The following CD163L1 variants were observed in gnomAD, a reference collection of about 807,000 sequenced individuals.
CD163L1 encodes scavenger receptor cysteine-rich type 1 protein M160.
CD163L1 carries 124 observed loss-of-function variants against 165.4 expected under a neutral mutation model. That is an observed-to-expected ratio of 0.75 (90% CI 0.65 to 0.87). The LOEUF (loss-of-function observed/expected upper bound fraction) is 0.87, where lower values mean the gene tolerates loss of function less well. Among genes scored for constraint, CD163L1 ranks in the 40% least tolerant of loss-of-function variants. The probability of loss-of-function intolerance (pLI) is 0.00; values close to 1 mark genes in which losing one functional copy is unlikely to be tolerated. For synonymous variants in CD163L1, 585 were observed against 662.2 expected (o/e 0.88, Z 1.79); for missense variants, 1,525 against 1,799.9 (o/e 0.85, Z 2.76).
intron 18 of CD163L1, among the ~76,000 whole-genome samples, chr12:7,366,856 G>C (rs1947031600): frequency 6.6e-6 from 1 of 152,006 alleles, no homozygotes; most frequent in Admixed American, 6.5e-5. Context: ...TAAGATTCAA[G>C]GAACTTAGCC....
Position 7,375,300 on chromosome 12 carries a change from A to T in CD163L1, c.2982T>A (p.Thr994=). The T allele has an allele frequency of 6.2e-7, 1 of 1,614,114 alleles. No individual in the cohort carries two copies. The highest frequency in any genetic ancestry group is 8.5e-7 in the Non-Finnish European group (1 of 1,179,994). The stretch of plus-strand genomic sequence containing the variant: ...TCTTACCTGTGCAGATCACAGAGAC[A>T]GTATTTCCATGGATACAGGGAGGTG... The part of the protein sequence containing the change: ...LGAPPCIHGN[T]VSVICTGSLT... Residue 994 remains threonine, a synonymous_variant, in exon 11 of 20, where the codon ACT becomes ACA. Coordinates refer to ENST00000313599, the MANE Select transcript of CD163L1 (RefSeq NM_174941.6).
chr12:7,411,258 A>AT (rs1347758494), intron 4 of CD163L1, among the ~76,000 whole-genome samples: 1 of 152,114 alleles, frequency 6.6e-6, no homozygotes, highest in Non-Finnish European at 1.5e-5. Flanking sequence ...TTGAACATAG[A>AT]TTTTCTTTTT....
At chr12:7,415,772 T>C (rs1464746965) in intron 4 of CD163L1, among the ~76,000 whole-genome samples, 6 of 152,198 alleles carry the variant, frequency 3.9e-5, no homozygotes, top group African/African-American at 1.4e-4. Context: ...GTTTTTTGGC[T>C]ACATAGTATT....
At chr12:7,409,559 G>T (rs1224043520) in intron 4 of CD163L1, among the ~76,000 whole-genome samples, 4 of 152,162 alleles carry the variant, frequency 2.6e-5, no homozygotes, top group Admixed American at 1.3e-4. Flanking sequence ...TGCCAGCCCT[G>T]ATCTGAGAGG....
rs1947086495 is a variant in CD163L1, at chr12:7,368,996, A to C, written c.4040-31T>G. Reference sequence around the variant, plus strand: ...AGAGAGAGAGAGAGAGAGAGACGTAAATGAACGAAAAGGAACTGGGTATTT... The same window carrying C: ...AGAGAGAGAGAGAGAGAGAGACGTACATGAACGAAAAGGAACTGGGTATTT... On this transcript the variant is annotated intron_variant, in intron 15 of 19. Transcript: ENST00000313599. This position sits in a 1 kb window ranked among gnomAD's most constrained non-coding sequence, Gnocchi z 4.3. 6.3e-7 allele frequency: 1 copy of C among 1,590,744 alleles called. No homozygotes were observed. Among genetic ancestry groups the C allele is most frequent in the South Asian group, 1.1e-5 (1 of 90,698 alleles).
In CD163L1 at chr12:7,395,129, A is replaced by G. The variant is rs759122488; in HGVS notation, c.2050+966T>C. Reference sequence around the variant, plus strand: ...AAAGGATTATAAATCATGCTGCTATAAAGATACATGTACACATATGTTTAT... The same window carrying G: ...AAAGGATTATAAATCATGCTGCTATGAAGATACATGTACACATATGTTTAT... On this transcript the variant is annotated intron_variant, in intron 8 of 19. Coordinates refer to ENST00000313599, the MANE Select transcript of CD163L1 (RefSeq NM_174941.6). Among the ~76,000 whole-genome samples, 8 of 152,374 alleles carry G rather than the reference A, an allele frequency of 5.3e-5. No individual in the cohort carries two copies. In the East Asian group the frequency reaches 1.5e-3, roughly 29 times the overall value.
intron 4 of CD163L1, among the ~76,000 whole-genome samples, chr12:7,348,348 C>T (rs1190992094): frequency 6.6e-6 from 1 of 152,124 alleles, no homozygotes; most frequent in Non-Finnish European, 1.5e-5. Flanking sequence ...AATGCACAGA[C>T]CTAGCTAAAA....
In CD163L1 at chr12:7,400,730, A is replaced by G. The variant is rs956391826; in HGVS notation, c.1409-2146T>C. The stretch of plus-strand genomic sequence containing the variant: ...TTAAAAACAATTCCAATGTCAATTC[A>G]TATTTAGAAGAACAAAAAGGAAAAA... On this transcript the variant is annotated intron_variant, in intron 6 of 19. Transcript: ENST00000313599. This position sits in a 1 kb window ranked among gnomAD's most constrained non-coding sequence, Gnocchi z 4.1. 6.6e-6 allele frequency among the ~76,000 whole-genome samples: 1 copy of G among 152,214 alleles called. No individual in the cohort carries two copies. The highest frequency in any genetic ancestry group is 1.5e-5 in the Non-Finnish European group (1 of 68,036).
chr12:7,441,362 C>T (rs1948829239), intron 1 of CD163L1, 116 bp from the exon 2 acceptor site: 1 of 739,786 alleles, frequency 1.4e-6, no homozygotes, highest in Non-Finnish European at 2.3e-6. Context: ...TATTCTTCCA[C>T]CTGTCAAGGA....
intron 1 of CD163L1, among the ~76,000 whole-genome samples, chr12:7,443,385 C>T (rs992738659): frequency 2.0e-5 from 3 of 152,158 alleles, no homozygotes; most frequent in East Asian, 1.9e-4. Context: ...AACCTCCCTT[C>T]GTGATTCTTT....
intron 2 of CD163L1, among the ~76,000 whole-genome samples, chr12:7,440,431 C>T (rs527795349): frequency 6.6e-6 from 1 of 151,592 alleles, no homozygotes; most frequent in Non-Finnish European, 1.5e-5. Flanking sequence ...CCGCGCCCAG[C>T]CCGGCCCTTG....
downstream of CD163L1, among the ~76,000 whole-genome samples, chr12:7,353,555 CAAT>C (rs1946723883): frequency 6.6e-6 from 1 of 151,814 alleles, no homozygotes. Flanking sequence ...AAGAAAACAA[CAAT>C]ATGATTAATG....
At position 7,400,008 on chromosome 12, in the gene CD163L1, C is replaced by T. The variant is rs1947886336; in HGVS notation, c.1409-1424G>A. Among the ~76,000 whole-genome samples the T allele has an allele frequency of 6.6e-6, 1 of 152,130 alleles. No homozygotes were observed. The highest frequency in any genetic ancestry group is 2.4e-5 in the African/African-American group (1 of 41,424). On this transcript the variant is annotated intron_variant, in intron 6 of 19. Coordinates refer to ENST00000313599, the MANE Select transcript of CD163L1 (RefSeq NM_174941.6). This position sits in a 1 kb window ranked among gnomAD's most constrained non-coding sequence, Gnocchi z 4.1. Reference sequence around the variant, plus strand: ...TTTCTTTACTTGCTATCCAGTATGACAACTCTTCCATGTGTATATAATAAT... The same window carrying T: ...TTTCTTTACTTGCTATCCAGTATGATAACTCTTCCATGTGTATATAATAAT...
At chr12:7,367,403 T>A in intron 17 of CD163L1, 72 bp from the exon 18 acceptor site, 3 of 954,254 alleles carry the variant, frequency 3.1e-6, no homozygotes, top group African/African-American at 1.6e-5. Context: ...CACTTAATGC[T>A]AAGGTTTGAC....
At chr12:7,405,944 C>T (rs1198531920) in intron 5 of CD163L1, among the ~76,000 whole-genome samples, 5 of 152,016 alleles carry the variant, frequency 3.3e-5, no homozygotes, top group African/African-American at 1.2e-4. Flanking sequence ...CCCTGATATA[C>T]AAAACTATAA....
chr12:7,389,960 T>TTTTATATATA (rs112087077), intron 8 of CD163L1, among the ~76,000 whole-genome samples: 4 of 135,964 alleles, frequency 2.9e-5, no homozygotes, highest in African/African-American at 8.4e-5. Context: ...ATATATATAT[T>TTTTATATATA]TATATATATA....
chr12:7,324,133 G>A, the CD163L1 span: 1 of 1,011,002 alleles, frequency 9.9e-7, no homozygotes, highest in Non-Finnish European at 1.4e-6. Flanking sequence ...TCCAGTCTAG[G>A]CAACAGAGAG....
At chr12:7,353,463 T>C (rs187275063), downstream of CD163L1, among the ~76,000 whole-genome samples, 10 of 152,140 alleles carry the variant, frequency 6.6e-5, no homozygotes, top group East Asian at 1.2e-3. Context: ...GAAATCCTTA[T>C]CTAGATACCA....
At position 7,398,115 on chromosome 12, in the gene CD163L1, G is replaced by T. The variant is rs1947816984; in HGVS notation, c.1729+149C>A. The T allele has an allele frequency of 7.7e-6, 5 of 653,018 alleles. No homozygotes were observed. Among genetic ancestry groups the T allele is most frequent in the Non-Finnish European group, 1.0e-5 (4 of 385,558 alleles). 40.5% of individuals were successfully genotyped at this position (653,018 alleles called of 1,614,324 possible). ...TACCTGTATAAGTGGAAGAGTTCCA[G>T]GTGAAGTGAACTGAAGTCTAATTTA... On this transcript the variant is annotated intron_variant, in intron 7 of 19. Transcript: ENST00000313599. The surrounding 1 kb of genome is among the most constrained non-coding windows in gnomAD (Gnocchi z 4.5).
Sources: gnomAD v4.1 joint callset for allele counts (sites outside exome capture counted in the v4.1 genomes callset) on GRCh38, gnomAD v4.1.1 for gene constraint, Gnocchi (gnomAD v3.1) non-coding constraint, MANE v1.5 for transcripts, NCBI Gene and HGNC (gene_info 2026-07-23, HGNC 2026-07-21) for gene names.